Variants in MISP observed in about 807,000 individuals in gnomAD.
The protein encoded by MISP is mitotic spindle positioning.
In MISP, 51 loss-of-function variants were observed where a neutral mutation model predicts 49.3. The observed-to-expected ratio is 1.03, with a 90% CI of 0.83 to 1.31. The LOEUF is 1.31. Among genes scored for constraint, MISP ranks in the 50% most tolerant of loss-of-function variants. The pLI, the probability that MISP is intolerant of heterozygous loss-of-function variation, is 0.00. For synonymous variants in MISP, 444 were observed against 392.6 expected (o/e 1.13, Z -1.55); for missense variants, 1,084 against 935.1 (o/e 1.16, Z -2.08).
upstream of MISP, among the ~76,000 whole-genome samples, chr19:750,502 C>G (rs1157619407): frequency 6.6e-6 from 1 of 152,102 alleles, no homozygotes; most frequent in Non-Finnish European, 1.5e-5. Flanking sequence ...GTCCGGCCCC[C>G]TCGTATGGGT....
chr19:759,926 T>G lies in MISP; in HGVS notation c.1798T>G (p.Ser600Ala). The G allele has an allele frequency of 6.2e-7, 1 of 1,614,108 alleles. No individual in the cohort carries two copies. The highest frequency in any genetic ancestry group is 8.5e-7 in the Non-Finnish European group (1 of 1,179,976). Reference protein sequence around the residue: ...SQASGITGSYSVSESPFFSPI... With the variant: ...SQASGITGSYAVSESPFFSPI... ...CCCTACAGGCATCACGGGCAGTTAC[T>G]CGGTGTCTGAGTCTCCCTTCTTCAG... Residue 600 changes from serine to alanine, a missense_variant, in exon 3 of 5, where the codon TCG (serine) becomes GCG (alanine). Physicochemically the swap from Ser to Ala is moderately conservative, Grantham distance 99. Transcript: ENST00000215582.
At chr19:753,226 T>C (rs796650990) in intron 1 of MISP, among the ~76,000 whole-genome samples, 8 of 152,292 alleles carry the variant, frequency 5.3e-5, no homozygotes, top group African/African-American at 1.4e-4. Flanking sequence ...TGGTTTTCAA[T>C]GTTTCCCCTA....
rs930233207 is a variant in MISP, at chr19:760,003, C to T, written c.1875C>T (p.Asp625=). The change falls in exon 3 of 5, where the codon GAC becomes GAT. Residue 625 remains aspartate (D), a synonymous_variant. Transcript: ENST00000215582. ...NVAWTVEDPV[D]SAPPGQRKKE... is the part of the protein sequence containing the mutation. ...CGTGGACAGTGGAAGATCCAGTGGA[C>T]AGTGCTCCTCCCGGGCAGAGAAAGA... is the stretch of plus-strand genomic sequence containing the variant. The T allele has an allele frequency of 1.1e-5, 18 of 1,613,902 alleles. No homozygotes were observed. Among genetic ancestry groups the T allele is most frequent in the Non-Finnish European group, 1.5e-5 (18 of 1,179,954 alleles).
At chr19:762,105 G>A (rs865781110) in intron 4 of MISP, among the ~76,000 whole-genome samples, 14 of 125,918 alleles carry the variant, frequency 1.1e-4, no homozygotes, top group South Asian at 6.0e-4. Context: ...CCACCACCAC[G>A]CCCGGCTATT....
upstream of MISP, among the ~76,000 whole-genome samples, chr19:748,695 G>A (rs895861568): frequency 1.1e-4 from 16 of 152,204 alleles, no homozygotes; most frequent in African/African-American, 3.9e-4. Context: ...GCCGGCCCCT[G>A]GGAAATACAC....
At chr19:760,152 C>T in intron 3 of MISP, 113 bp downstream of exon 3, 1 of 1,248,874 alleles carries the variant, frequency 8.0e-7, no homozygotes, top group Non-Finnish European at 1.1e-6. Context: ...GCACTACCCC[C>T]ACCCCTGGCC....
chr19:760,322 A>G, intron 3 of MISP: 1 of 264,604 alleles, frequency 3.8e-6, no homozygotes, highest in Non-Finnish European at 7.1e-6. Flanking sequence ...TGCTTGGAGG[A>G]GGAGGACACT....
intron 1 of MISP, among the ~76,000 whole-genome samples, chr19:754,923 T>G (rs531850012): frequency 4.2e-5 from 4 of 95,558 alleles, no homozygotes; most frequent in Admixed American, 1.1e-4. Flanking sequence ...AAGAGGAGGG[T>G]CTGGTTTGGG....
At position 758,279 on chromosome 19, in the gene MISP, G is replaced by A. The variant is rs771667768; in HGVS notation, c.1333G>A (p.Gly445Ser). The A allele has an allele frequency of 2.9e-5, 47 of 1,613,772 alleles. No individual in the cohort carries two copies. The highest frequency in any genetic ancestry group is 1.6e-4 in the Middle Eastern group (1 of 6,084). ...AGAATTCTCAGCCTTCGGAGCATTC[G>A]GCAAGCCCAGCAGTCTCTCCACAGC... ...QLEFSAFGAFGKPSSLSTAEA... is the reference protein window; with the variant it reads ...QLEFSAFGAFSKPSSLSTAEA... Residue 445 changes from glycine to serine, a missense_variant, in exon 2 of 5, where the codon GGC (glycine) becomes AGC (serine). Transcript: ENST00000215582.
At position 764,072 on chromosome 19, in the gene MISP, C is replaced by A. The variant is rs889029366; in HGVS notation, c.*482C>A. On this transcript the variant is annotated 3_prime_UTR_variant, in exon 5 of 5. Transcript: ENST00000215582. ...AGAGGGGAGACCTGCCCCTTTCCAA[C>A]CCTGGGAAACCATCCAGTCTGAGGG... The A allele has an allele frequency of 6.5e-6, 1 of 154,996 alleles. No individual in the cohort carries two copies. Among genetic ancestry groups the A allele is most frequent in the Admixed American group, 6.4e-5 (1 of 15,678 alleles). The allele number at this position is 154,996 out of a possible 1,614,324, so 9.6% of individuals were successfully genotyped here. A position where few individuals can be genotyped will look rare whatever the true frequency, so the allele number is the denominator to read the frequency against.
chr19:763,093 T>C (rs2214368), intron 4 of MISP, among the ~76,000 whole-genome samples: 75,509 of 151,886 alleles, frequency 0.5, 19,780 homozygotes, highest in African/African-American at 0.64. Context: ...ATCGAGACCA[T>C]GGTGAAACCC....
chr19:763,748 T>G lies in MISP; in HGVS notation c.*158T>G. On this transcript the variant is annotated 3_prime_UTR_variant, in exon 5 of 5. Transcript: ENST00000215582. ...ATCCCACCATGGGCACATTTGGGACTGTTGGGTTTTTCGTTTCCGTTTCTA... is the reference window on the plus strand; with the variant it reads ...ATCCCACCATGGGCACATTTGGGACGGTTGGGTTTTTCGTTTCCGTTTCTA... 1 of 595,074 alleles carries G rather than the reference T, an allele frequency of 1.7e-6. No individual in the cohort carries two copies. The highest frequency in any genetic ancestry group is 3.0e-6 in the Non-Finnish European group (1 of 335,088). The allele number at this position is 595,074 out of a possible 1,614,324, so 36.9% of individuals were successfully genotyped here.
chr19:761,549 T>C, intron 3 of MISP, 76 bp from the exon 4 acceptor site: 3 of 1,535,820 alleles, frequency 2.0e-6, no homozygotes, highest in Non-Finnish European at 2.7e-6. Flanking sequence ...CAGAGAGGGC[T>C]GTGTGGGAGC....
At chr19:752,842 G>T (rs978890928) in intron 1 of MISP, among the ~76,000 whole-genome samples, 1 of 152,220 alleles carries the variant, frequency 6.6e-6, no homozygotes, top group Non-Finnish European at 1.5e-5. Context: ...CCTCCCCGGG[G>T]AGCTCCAGGG....
chr19:757,987 G>A lies in MISP; in HGVS notation c.1041G>A (p.Pro347=), dbSNP rs747408968. The change falls in exon 2 of 5, where the codon CCG becomes CCA. Residue 347 remains proline, a synonymous_variant. Transcript: ENST00000215582. ...CCCCACGGCGGGAGAGAGGGCGCCC[G>A]TCCCTCTACGTGCAGCGGGACATAG... ...ITAPRRERGR[P]SLYVQRDIVQ... is the part of the protein sequence containing the mutation. 98 of 1,577,496 alleles carry A rather than the reference G, an allele frequency of 6.2e-5. No individual in the cohort carries two copies. The highest frequency in any genetic ancestry group is 7.7e-5 in the Non-Finnish European group (90 of 1,166,644).
At chr19:760,087 C>A in intron 3 of MISP, 48 bp downstream of exon 3, 2 of 1,607,924 alleles carry the variant, frequency 1.2e-6, no homozygotes, top group Non-Finnish European at 1.7e-6. Flanking sequence ...GGTCAGACAG[C>A]CCCTATTAGG....
rs1356451053 is a variant in MISP at position 762,267 on chromosome 19, T to G, written c.1950+604T>G. Among the ~76,000 whole-genome samples, 5 of 148,578 alleles carry G rather than the reference T, an allele frequency of 3.4e-5. 1 individual carries two copies. The highest frequency in any genetic ancestry group is 3.4e-4 in the Admixed American group (5 of 14,924). ...GCGCCCGGCCAAGGCAATGTTTTTT[T>G]GGGAGGATGGAGTCTCGCTCTGTTG... On this transcript the variant is annotated intron_variant, in intron 4 of 4. Coordinates refer to ENST00000215582, the MANE Select transcript of MISP (RefSeq NM_173481.4).
chr19:756,857 C>A, intron 1 of MISP, 33 bp from the exon 2 acceptor site: 1 of 1,133,090 alleles, frequency 8.8e-7, no homozygotes, highest in East Asian at 2.6e-5. Flanking sequence ...GGTGCTCTGA[C>A]TTGATGGCCC....
chr19:755,941 A>G (rs2033542836), intron 1 of MISP, among the ~76,000 whole-genome samples: 1 of 152,020 alleles, frequency 6.6e-6, no homozygotes, highest in African/African-American at 2.4e-5. Context: ...TCAAAAAAAA[A>G]AAAATCAAGG....
Sources: gnomAD v4.1 joint callset for allele counts (sites outside exome capture counted in the v4.1 genomes callset) on GRCh38, gnomAD v4.1.1 for gene constraint, MANE v1.5 for transcripts, NCBI Gene and HGNC (gene_info 2026-07-23, HGNC 2026-07-21) for gene names.